Variants in GABRB3 observed in about 807,000 individuals in gnomAD.
The protein encoded by GABRB3 is gamma-aminobutyric acid type A receptor subunit beta3.
GABRB3 carries 14 observed loss-of-function variants against 52.1 expected under a neutral mutation model. That is an observed-to-expected ratio of 0.27 (90% CI 0.18 to 0.42). The LOEUF (loss-of-function observed/expected upper bound fraction) is 0.42. Among genes scored for constraint, GABRB3 ranks in the 10% least tolerant of loss-of-function variants. The pLI, the probability that GABRB3 is intolerant of heterozygous loss-of-function variation, is 1.00. For missense variants in GABRB3, 307 were observed against 609.1 expected (o/e 0.50, Z 5.22); for synonymous variants, 260 against 232.3 (o/e 1.12, Z -1.08).
chr15:26,561,457 C>T (rs1324283894), intron 7 of GABRB3, among the ~76,000 whole-genome samples: 1 of 145,484 alleles, frequency 6.9e-6, no homozygotes, highest in Non-Finnish European at 1.5e-5. Context: ...CTATCACACA[C>T]GATGGAATTT....
intron 3 of GABRB3, chr15:26,666,335 A>G (rs1194816033): frequency 1.3e-5 from 2 of 152,126 alleles, no homozygotes; most frequent in Non-Finnish European, 2.9e-5. Flanking sequence ...GAATATTTTT[A>G]TTGTGACTCT....
chr15:26,582,999 G>A (rs1192475994), intron 5 of GABRB3, among the ~76,000 whole-genome samples: 6 of 152,002 alleles, frequency 3.9e-5, no homozygotes, highest in South Asian at 2.1e-4. Context: ...TACTCTGACC[G>A]CCCAGGGTCC....
intron 3 of GABRB3, among the ~76,000 whole-genome samples, chr15:26,769,066 T>C (rs1344306915): frequency 2.6e-5 from 4 of 152,208 alleles, no homozygotes; most frequent in African/African-American, 7.2e-5. Context: ...TACCAGTAGA[T>C]AAGGACTGGA....
intron 3 of GABRB3, among the ~76,000 whole-genome samples, chr15:26,641,118 G>A (rs573363001): frequency 1.4e-4 from 21 of 152,262 alleles, no homozygotes; most frequent in Non-Finnish European, 2.9e-4. Context: ...TAAACAGAAC[G>A]GTATGAGGAG....
At chr15:26,615,406 T>C in intron 4 of GABRB3, 1 of 986,090 alleles carries the variant, frequency 1.0e-6, no homozygotes, top group Non-Finnish European at 1.2e-6. Flanking sequence ...CACCGTCATA[T>C]TCAGCTGAGC....
intron 8 of GABRB3, 33 bp downstream of exon 8, chr15:26,560,899 G>T: frequency 6.2e-7 from 1 of 1,612,710 alleles, no homozygotes; most frequent in South Asian, 1.1e-5. Flanking sequence ...GAGCTGCAGG[G>T]ACCAGGTGGG....
At chr15:26,599,201 C>T (rs1891498395) in intron 4 of GABRB3, among the ~76,000 whole-genome samples, 1 of 152,154 alleles carries the variant, frequency 6.6e-6, no homozygotes, top group African/African-American at 2.4e-5. Context: ...TCCATTTAGC[C>T]AAAAGTCCAC....
intron 4 of GABRB3, among the ~76,000 whole-genome samples, chr15:26,587,250 T>C (rs1341805164): frequency 6.6e-6 from 1 of 152,184 alleles, no homozygotes; most frequent in African/African-American, 2.4e-5. Flanking sequence ...CACTTTTTTC[T>C]TTTTATGTGA....
At chr15:26,552,176 T>C (rs1413333296) in intron 8 of GABRB3, among the ~76,000 whole-genome samples, 1 of 152,104 alleles carries the variant, frequency 6.6e-6, no homozygotes. Context: ...CCCAGCTAAT[T>C]TTGTATTTTT....
chr15:26,751,046 G>T (rs1833550194), intron 3 of GABRB3, among the ~76,000 whole-genome samples: 1 of 152,230 alleles, frequency 6.6e-6, no homozygotes, highest in Non-Finnish European at 1.5e-5. Flanking sequence ...TAAGAATAGT[G>T]AAATCTCTAG....
chr15:26,772,931 C>A lies in GABRB3; in HGVS notation c.32G>T (p.Gly11Val). 2.0e-6 allele frequency: 3 copies of A among 1,489,940 alleles called. No individual in the cohort carries two copies. Among genetic ancestry groups the A allele is most frequent in the Non-Finnish European group, 2.7e-6 (3 of 1,118,138 alleles). The allele number at this position is 1,489,940 out of a possible 1,614,324, so 92.3% of individuals were successfully genotyped here. A position where few individuals can be genotyped will look rare whatever the true frequency, so the allele number is the denominator to read the frequency against. The change falls in exon 1 of 9, where the codon GGC becomes GTC. Residue 11 changes from glycine (G) to valine (V), a missense_variant. Gly to Val is a moderately radical substitution (Grantham distance 109). Around this residue, in one of 6 missense-constraint regions of GABRB3, gnomAD observed 90 missense variants for 86.4 expected, o/e 1.04. Transcript: ENST00000311550. MWGLAGGRLF[G>V]IFSAPVLVAV... ...CACCAGCACCGGGGCCGAGAAGATG[C>A]CGAAAAGCCTTCCTCCCGCAAGGCC... is the stretch of plus-strand genomic sequence containing the variant.
intron 3 of GABRB3, among the ~76,000 whole-genome samples, chr15:26,695,968 T>G (rs1246701397): frequency 2.6e-5 from 4 of 152,212 alleles, no homozygotes; most frequent in African/African-American, 9.7e-5. Context: ...TCTTCCACGG[T>G]AGGTTTAAGT....
At chr15:26,702,222 A>G (rs188088339) in intron 3 of GABRB3, among the ~76,000 whole-genome samples, 230 of 152,016 alleles carry the variant, frequency 1.5e-3, no homozygotes, top group African/African-American at 5.3e-3. Flanking sequence ...CACAATTTGT[A>G]AAAAACACTA....
At position 26,547,753 on chromosome 15, in the gene GABRB3, C is replaced by T. The variant is rs770806694; in HGVS notation, c.*40G>A. The T allele has an allele frequency of 3.3e-6, 5 of 1,520,368 alleles. No homozygotes were observed. Among genetic ancestry groups the T allele is most frequent in the South Asian group, 2.2e-5 (2 of 88,936 alleles). The allele number at this position is 1,520,368 out of a possible 1,614,324, so 94.2% of individuals were successfully genotyped here. On this transcript the variant is annotated 3_prime_UTR_variant, in exon 9 of 9. Coordinates refer to ENST00000311550, the MANE Select transcript of GABRB3 (RefSeq NM_000814.6). Reference sequence around the variant, plus strand: ...TTGACAGGCAGAGTAATATTTCACTCAGTGTTAAATGAAGTCTTTGAAAAA... The same window carrying T: ...TTGACAGGCAGAGTAATATTTCACTTAGTGTTAAATGAAGTCTTTGAAAAA...
chr15:26,579,450 G>T (rs114978432), intron 6 of GABRB3, among the ~76,000 whole-genome samples: 1,622 of 152,312 alleles, frequency 0.011, 35 homozygotes, highest in African/African-American at 0.037. Flanking sequence ...GGCGAAGCTG[G>T]TGGCCATGGG....
In GABRB3 at chr15:26,609,103, TACAC is replaced by T. The variant is rs79471574; in HGVS notation, c.461+12207_461+12210del. Among the ~76,000 whole-genome samples the T allele has an allele frequency of 4.9e-3, 705 of 143,348 alleles. 1 individual carries two copies. The highest frequency in any genetic ancestry group is 4.2e-3 in the African/African-American group (147 of 35,350). The allele number at this position is 143,348 out of a possible 152,430, so 94.0% of individuals were successfully genotyped here. A position where few individuals can be genotyped will look rare whatever the true frequency, so the allele number is the denominator to read the frequency against. ...AATGATACACACACACACACACACA[TACAC>T]ACACACACACACACACACACACACA... is the stretch of plus-strand genomic sequence containing the variant. On this transcript the variant is annotated intron_variant, in intron 4 of 8. Transcript: ENST00000311550.
intron 3 of GABRB3, among the ~76,000 whole-genome samples, chr15:26,650,881 A>G (rs536427509): frequency 2.0e-5 from 3 of 152,240 alleles, no homozygotes; most frequent in African/African-American, 7.2e-5. Flanking sequence ...ATCAGGCTTC[A>G]GGAAAGATGG....
intron 3 of GABRB3, among the ~76,000 whole-genome samples, chr15:26,738,970 G>A (rs775042430): frequency 2.2e-4 from 34 of 152,332 alleles, no homozygotes; most frequent in Admixed American, 7.2e-4. Flanking sequence ...TATTCAGCAC[G>A]TGCAGTTTTC....
At chr15:26,724,291 A>G (rs1388350420) in intron 3 of GABRB3, among the ~76,000 whole-genome samples, 1 of 151,564 alleles carries the variant, frequency 6.6e-6, no homozygotes, top group Non-Finnish European at 1.5e-5. Context: ...AAACCCTAAA[A>G]CCCCCAACCA....
Sources: allele counts gnomAD v4.1 joint callset (sites outside exome capture counted in the v4.1 genomes callset), GRCh38; gene constraint gnomAD v4.1.1; regional missense constraint gnomAD v4.1.1; transcripts MANE v1.5; gene names NCBI Gene and HGNC (gene_info 2026-07-23, HGNC 2026-07-21).